Variants in SMARCA4 observed in about 807,000 individuals in gnomAD.
The protein encoded by SMARCA4 is SWI/SNF-related matrix-associated actin-dependent regulator of chromatin subfamily A member 4.
In SMARCA4, 31 loss-of-function variants were observed where a neutral mutation model predicts 193.9. The observed-to-expected ratio is 0.16, with a 90% CI of 0.12 to 0.22. The LOEUF is 0.22. SMARCA4 is among the 10% of genes least tolerant of loss of function. SMARCA4 has a pLI of 1.00. For synonymous variants in SMARCA4, 942 were observed against 933.1 expected (o/e 1.01, Z -0.17); for missense variants, 1,148 against 2,296.0 (o/e 0.50, Z 10.22).
chr19:11,034,937 C>G lies in SMARCA4; in HGVS notation c.3975C>G (p.Arg1325=), dbSNP rs144803359. 4 of 1,578,682 alleles carry G rather than the reference C, an allele frequency of 2.5e-6. No homozygotes were observed. The highest frequency in any genetic ancestry group is 3.4e-6 in the Non-Finnish European group (4 of 1,163,830). ...LFMRMDLDRR[R]EEARNPKRKP... is the part of the protein sequence containing the mutation. ...AGCGCATGGACCTGGACCGCAGGCG[C>G]GAGGAGGCCCGCAACCCCAAGCGGA... The change falls in exon 29 of 35, where the codon CGC becomes CGG. Residue 1325 remains arginine, a synonymous_variant. Coordinates refer to ENST00000344626, the MANE Select transcript of SMARCA4 (RefSeq NM_003072.5). This position sits in a 1 kb window ranked among gnomAD's most constrained non-coding sequence, Gnocchi z 7.0.
Position 10,987,624 on chromosome 19 carries a change from CCA to C in SMARCA4, c.860-41_860-40del. 6.2e-7 allele frequency: 1 copy of C among 1,611,924 alleles called. No individual in the cohort carries two copies. The highest frequency in any genetic ancestry group is 8.5e-7 in the Non-Finnish European group (1 of 1,178,998). On this transcript the variant is annotated intron_variant, in intron 5 of 34. Coordinates refer to ENST00000344626, the MANE Select transcript of SMARCA4 (RefSeq NM_003072.5). The surrounding 1 kb of genome is among the most constrained non-coding windows in gnomAD (Gnocchi z 5.3). ...TTCCATTTCCAGCCCGGGATGGGCC[CCA>C]GAGCTCAACATGACGCCCTGGCCCC...
chr19:11,001,543 C>A (rs1198569256), intron 11 of SMARCA4, among the ~76,000 whole-genome samples: 1 of 152,168 alleles, frequency 6.6e-6, no homozygotes, highest in Non-Finnish European at 1.5e-5. Flanking sequence ...GTAGGGGAGG[C>A]ATGCAGCAAT....
intron 1 of SMARCA4, 148 bp from the exon 2 acceptor site, chr19:10,983,973 A>C: frequency 1.5e-6 from 1 of 678,912 alleles, no homozygotes; most frequent in East Asian, 2.7e-5. Context: ...GAGAGTGATC[A>C]TGGAGAAACG....
intron 24 of SMARCA4, among the ~76,000 whole-genome samples, chr19:11,029,865 G>A (rs1190239555): frequency 2.6e-5 from 4 of 152,064 alleles, no homozygotes; most frequent in South Asian, 2.1e-4. Context: ...TAGTAGAGAC[G>A]GGGTTTCACC....
intron 25 of SMARCA4, among the ~76,000 whole-genome samples, chr19:11,032,854 G>T (rs954079322): frequency 6.6e-6 from 1 of 152,168 alleles, no homozygotes; most frequent in African/African-American, 2.4e-5. Flanking sequence ...TTCCGGTTCT[G>T]TGTGCACTGT....
intron 30 of SMARCA4, among the ~76,000 whole-genome samples, chr19:11,049,375 G>A (rs894807998): frequency 6.6e-6 from 1 of 152,124 alleles, no homozygotes; most frequent in African/African-American, 2.4e-5. Context: ...ACATGTAGGA[G>A]ATTTTACTTT....
Position 10,990,248 on chromosome 19 carries a change from G to T in SMARCA4, c.1245+805G>T, listed in dbSNP as rs113486066. 3.7e-3 allele frequency among the ~76,000 whole-genome samples: 556 copies of T among 152,248 alleles called. 7 individuals carry two copies. Among genetic ancestry groups the T allele is most frequent in the African/African-American group, 0.012 (517 of 41,538 alleles). ...ACCCCACTGTGGCCTCTGCCTCTGT[G>T]GTTCAAGTGATTTTCCTGTCTCAGC... On this transcript the variant is annotated intron_variant, in intron 7 of 34. Coordinates refer to ENST00000344626, the MANE Select transcript of SMARCA4 (RefSeq NM_003072.5).
In SMARCA4 at chr19:10,986,860, A is replaced by C; in HGVS notation, c.761-45A>C. The C allele has an allele frequency of 6.6e-7, 1 of 1,525,280 alleles. No homozygotes were observed. The highest frequency in any genetic ancestry group is 2.2e-5 in the East Asian group (1 of 44,466). 94.5% of individuals were successfully genotyped at this position (1,525,280 alleles called of 1,614,324 possible). A position where few individuals can be genotyped will look rare whatever the true frequency, so the allele number is the denominator to read the frequency against. On this transcript the variant is annotated intron_variant, in intron 4 of 34. Transcript: ENST00000344626. This position sits in a 1 kb window ranked among gnomAD's most constrained non-coding sequence, Gnocchi z 6.7. Reference sequence around the variant, plus strand: ...GCCCACGGGGCTGGGCGCAGGCATAAACCTGGGACGCACTGTTTTCTCTTT... The same window carrying C: ...GCCCACGGGGCTGGGCGCAGGCATACACCTGGGACGCACTGTTTTCTCTTT...
At chr19:11,007,095 CA>C (rs1183195617) in intron 13 of SMARCA4, among the ~76,000 whole-genome samples, 2 of 150,936 alleles carry the variant, frequency 1.3e-5, no homozygotes, top group Non-Finnish European at 3.0e-5. Context: ...TCAACAATAA[CA>C]AAAAAAAGGA....
In SMARCA4 at chr19:10,991,823, G is replaced by GTGACT. The variant is rs1600031391; in HGVS notation, c.1419+504_1419+505insTTGAC. Among the ~76,000 whole-genome samples, 7 of 152,286 alleles carry GTGACT rather than the reference G, an allele frequency of 4.6e-5. No individual in the cohort carries two copies. In the East Asian group the frequency reaches 1.4e-3, roughly 29 times the overall value. On this transcript the variant is annotated intron_variant, in intron 8 of 34. Transcript: ENST00000344626. ...AGCTGGAGGAAGGGAGCGCAGGGAG[G>GTGACT]TGACGAGCAGGTGATGCAGGGCCTT...
At chr19:11,053,761 A>G (rs550080393) in intron 30 of SMARCA4, among the ~76,000 whole-genome samples, 33 of 152,220 alleles carry the variant, frequency 2.2e-4, no homozygotes, top group African/African-American at 7.7e-4. Flanking sequence ...TATTTTTTAA[A>G]TTAGCCAGGT....
rs2146191197 is a variant in SMARCA4 at position 11,007,941 on chromosome 19, A to T, written c.2041A>T (p.Thr681Ser). Residue 681 changes from threonine to serine, a missense_variant, in exon 14 of 35, where the codon ACC (threonine) becomes TCC (serine). Physicochemically the swap from Thr to Ser is moderately conservative, Grantham distance 58 (BLOSUM62 1). Transcript: ENST00000344626. ...GCAGCCGCAGGCAGCACAGCCTCCC[A>T]CCCTGCCCGTGGAGGAGAAGAAGAA... ...EEQPQAAQPPTLPVEEKKKIP... is the reference protein window; with the variant it reads ...EEQPQAAQPPSLPVEEKKKIP... 2 of 1,613,660 alleles carry T rather than the reference A, an allele frequency of 1.2e-6. No individual in the cohort carries two copies. The highest frequency in any genetic ancestry group is 1.3e-5 in the African/African-American group (1 of 74,964).
At chr19:11,027,338 C>T (rs761598006) in intron 23 of SMARCA4, among the ~76,000 whole-genome samples, 6 of 152,190 alleles carry the variant, frequency 3.9e-5, no homozygotes, top group Non-Finnish European at 8.8e-5. Flanking sequence ...TGGGGTTTGG[C>T]TGGAGAGAAC....
At chr19:11,035,678 C>T (rs990936387) in intron 29 of SMARCA4, among the ~76,000 whole-genome samples, 9 of 152,206 alleles carry the variant, frequency 5.9e-5, no homozygotes, top group African/African-American at 1.9e-4. Context: ...GTGGAGCTGA[C>T]GTGAGGGCCC....
At chr19:11,035,208 A>G in intron 29 of SMARCA4, 76 bp downstream of exon 29, 1 of 1,373,504 alleles carries the variant, frequency 7.3e-7, no homozygotes, top group Non-Finnish European at 1.0e-6. Context: ...GCCCACCGCC[A>G]GGACTCAGGC....
In SMARCA4 at chr19:10,987,135, G is replaced by T; in HGVS notation, c.859+132G>T. The T allele has an allele frequency of 2.8e-6, 2 of 711,226 alleles. No individual in the cohort carries two copies. The highest frequency in any genetic ancestry group is 5.0e-6 in the Non-Finnish European group (2 of 398,896). The allele number at this position is 711,226 out of a possible 1,614,324, so 44.1% of individuals were successfully genotyped here. On this transcript the variant is annotated intron_variant, in intron 5 of 34. Transcript: ENST00000344626. This position sits in a 1 kb window ranked among gnomAD's most constrained non-coding sequence, Gnocchi z 5.3. ...CTGAACTGCAGCCTGTACTTTTCTT[G>T]TGGTGGTCCCCGGGTCTCCCCTGTA...
intron 30 of SMARCA4, among the ~76,000 whole-genome samples, chr19:11,045,578 A>G (rs1330225418): frequency 1.3e-5 from 2 of 152,168 alleles, no homozygotes; most frequent in East Asian, 3.8e-4. Context: ...AGACAGAAAC[A>G]GCATGCTCAG....
At position 11,041,663 on chromosome 19, in the gene SMARCA4, CTT is replaced by C; in HGVS notation, c.4424+105_4424+106del. On this transcript the variant is annotated intron_variant, in intron 30 of 34. Coordinates refer to ENST00000344626, the MANE Select transcript of SMARCA4 (RefSeq NM_003072.5). This position sits in a 1 kb window ranked among gnomAD's most constrained non-coding sequence, Gnocchi z 5.6. Reference sequence around the variant, plus strand: ...CACACTCAGGCTTGGGCCGCTCACTCTTTCACTCATCCACAAACACTGACTGA... The same window carrying C: ...CACACTCAGGCTTGGGCCGCTCACTCTCACTCATCCACAAACACTGACTGA... The C allele has an allele frequency of 6.1e-6, 6 of 988,462 alleles. 1 individual carries two copies. The highest frequency in any genetic ancestry group is 2.2e-4 in the Middle Eastern group (1 of 4,460). The allele number at this position is 988,462 out of a possible 1,614,324, so 61.2% of individuals were successfully genotyped here. A position where few individuals can be genotyped will look rare whatever the true frequency, so the allele number is the denominator to read the frequency against.
intron 1 of SMARCA4, among the ~76,000 whole-genome samples, chr19:10,964,619 C>CTT (rs1439109300): frequency 2.2e-5 from 3 of 137,586 alleles, no homozygotes; most frequent in Non-Finnish European, 1.6e-5. Flanking sequence ...CGCCCGGCCT[C>CTT]TTTTTTTTTT....
Sources: gnomAD v4.1 joint callset for allele counts (sites outside exome capture counted in the v4.1 genomes callset) on GRCh38, gnomAD v4.1.1 for gene constraint, Gnocchi (gnomAD v3.1) non-coding constraint, MANE v1.5 for transcripts, NCBI Gene and HGNC (gene_info 2026-07-23, HGNC 2026-07-21) for gene names.